The following STK3 variants were observed in gnomAD, a reference collection of about 807,000 sequenced individuals.
STK3 encodes the protein serine/threonine-protein kinase 3.
Under a neutral mutation model 58.0 loss-of-function variants are expected in STK3, and 41 were observed. The observed-to-expected ratio is 0.71, with a 90% CI of 0.55 to 0.92. The LOEUF is 0.92. Among genes scored for constraint, STK3 ranks in the 40% least tolerant of loss-of-function variants. The pLI, the probability that STK3 is intolerant of heterozygous loss-of-function variation, is 0.00. For synonymous variants in STK3, 170 were observed against 191.0 expected, an observed-to-expected ratio of 0.89 and a Z score of 0.91; for missense variants, 479 against 602.7, an observed-to-expected ratio of 0.79 and a Z score of 2.15.
At chr8:98,864,873 G>T (rs1358609265) in intron 3 of STK3, among the ~76,000 whole-genome samples, 1 of 152,122 alleles carries the variant, frequency 6.6e-6, no homozygotes, top group Non-Finnish European at 1.5e-5. Flanking sequence ...CATATTGGCT[G>T]CTTCCACTCC....
intron 6 of STK3, among the ~76,000 whole-genome samples, chr8:98,676,287 G>A (rs1265880965): frequency 3.9e-5 from 6 of 152,234 alleles, no homozygotes; most frequent in Non-Finnish European, 5.9e-5. Flanking sequence ...ATGAATAGTG[G>A]TGATGTTGCA....
chr8:98,521,291 T>C (rs548567954), intron 10 of STK3, among the ~76,000 whole-genome samples: 1 of 152,132 alleles, frequency 6.6e-6, no homozygotes, highest in East Asian at 1.9e-4. Flanking sequence ...CCTTTCCAAC[T>C]GTGAGAACAT....
At chr8:98,728,497 T>C (rs941121795) in intron 4 of STK3, among the ~76,000 whole-genome samples, 2 of 152,162 alleles carry the variant, frequency 1.3e-5, no homozygotes, top group Non-Finnish European at 2.9e-5. Context: ...TTACACCATA[T>C]GTAAATATAT....
At chr8:98,439,442 G>A (rs930265148) in intron 1 of STK3, among the ~76,000 whole-genome samples, 6 of 152,310 alleles carry the variant, frequency 3.9e-5, no homozygotes, top group Middle Eastern at 3.4e-3. Context: ...GAGATTGGAA[G>A]GGACAGCTTT....
chr8:98,406,217 C>T (rs1483112927), intron 3 of STK3, among the ~76,000 whole-genome samples: 1 of 151,514 alleles, frequency 6.6e-6, no homozygotes, highest in Non-Finnish European at 1.5e-5. Flanking sequence ...CTTATCTTCC[C>T]CCCAGGCATT....
intron 1 of STK3, among the ~76,000 whole-genome samples, chr8:98,825,199 TAC>T (rs1835168859): frequency 6.6e-6 from 1 of 152,204 alleles, no homozygotes; most frequent in Non-Finnish European, 1.5e-5. Context: ...CACAATGTTT[TAC>T]AGACTGTGTA....
chr8:98,832,463 A>G (rs1195875858), intron 3 of STK3, among the ~76,000 whole-genome samples: 5 of 152,164 alleles, frequency 3.3e-5, no homozygotes, highest in Non-Finnish European at 7.4e-5. Context: ...TAAATCAGCC[A>G]CAACCAATCC....
At chr8:98,377,977 C>T (rs1389249479) in intron 2 of STK3, among the ~76,000 whole-genome samples, 1 of 152,108 alleles carries the variant, frequency 6.6e-6, no homozygotes, top group Non-Finnish European at 1.5e-5. Flanking sequence ...GAGGCTCTGC[C>T]CCTACCTGCC....
intron 6 of STK3, among the ~76,000 whole-genome samples, chr8:98,677,127 C>A (rs1040763750): frequency 6.6e-6 from 1 of 152,158 alleles, no homozygotes; most frequent in African/African-American, 2.4e-5. Flanking sequence ...CTACTTTCCC[C>A]ATGGTTGATG....
At chr8:98,409,912 T>A (rs1259800234) in intron 3 of STK3, among the ~76,000 whole-genome samples, 4 of 152,204 alleles carry the variant, frequency 2.6e-5, no homozygotes, top group African/African-American at 4.8e-5. Context: ...GAGAGTGCCA[T>A]GTGCCCAGAA....
At chr8:98,377,325 C>T (rs569622642) in intron 2 of STK3, among the ~76,000 whole-genome samples, 64 of 152,102 alleles carry the variant, frequency 4.2e-4, no homozygotes, top group Middle Eastern at 6.8e-3. Flanking sequence ...TTCACTTCTT[C>T]GGCAGAATTT....
chr8:98,787,041 T>C (rs1832508313), intron 1 of STK3, among the ~76,000 whole-genome samples: 1 of 151,256 alleles, frequency 6.6e-6, no homozygotes, highest in South Asian at 2.1e-4. Flanking sequence ...TGGTGGTGCA[T>C]GCCTGTAGTC....
intron 10 of STK3, among the ~76,000 whole-genome samples, chr8:98,499,941 C>T (rs1441372215): frequency 1.3e-5 from 2 of 152,074 alleles, no homozygotes; most frequent in African/African-American, 2.4e-5. Flanking sequence ...GATGTAAATC[C>T]TTGGAGACAA....
intron 2 of STK3, among the ~76,000 whole-genome samples, chr8:98,435,569 G>A (rs563861579): frequency 3.9e-5 from 6 of 152,092 alleles, no homozygotes; most frequent in African/African-American, 1.4e-4. Context: ...AAGGGAGTGG[G>A]GTGGGGAGGA....
chr8:98,866,542 G>A (rs1837153116), intron 3 of STK3, among the ~76,000 whole-genome samples: 1 of 152,192 alleles, frequency 6.6e-6, no homozygotes, highest in Admixed American at 6.5e-5. Flanking sequence ...CATTGCAGTA[G>A]GAAGAATACA....
At position 98,428,933 on chromosome 8, in the gene STK3, G is replaced by A. The variant is rs1818288189; in HGVS notation, n.483+5194C>T. ...GGCACTCCACTGGCCTCCGCTCCCT[G>A]GGGGCCACTTTGAAATACAGCTACA... On this transcript the variant is annotated intron_variant and non_coding_transcript_variant, in intron 3 of 3. Coordinates refer to the STK3 transcript ENST00000517832. This position sits in a 1 kb window ranked among gnomAD's most constrained non-coding sequence, Gnocchi z 6.7. The A allele has an allele frequency of 1.2e-6, 2 of 1,614,002 alleles. No individual in the cohort carries two copies. Among genetic ancestry groups the A allele is most frequent in the African/African-American group, 1.3e-5 (1 of 74,900 alleles).
chr8:98,483,334 A>G (rs534632791), intron 10 of STK3, among the ~76,000 whole-genome samples: 8 of 152,368 alleles, frequency 5.3e-5, no homozygotes, highest in African/African-American at 1.7e-4. Flanking sequence ...GGATCTTTAA[A>G]TAGTTCATAC....
chr8:98,941,997 A>T (rs1211058872), intron 1 of STK3, among the ~76,000 whole-genome samples: 1 of 152,112 alleles, frequency 6.6e-6, no homozygotes, highest in Non-Finnish European at 1.5e-5. Context: ...AGACTCCGGG[A>T]CTTCCCTCTC....
Position 98,455,575 on chromosome 8 carries a change from C to T in STK3, c.*267G>A. ...TCAAGGTTTAGAGACCTTGAAAATC[C>T]ATTTCATAACAGTTTTATTACTGGT... is the stretch of plus-strand genomic sequence containing the variant. On this transcript the variant is annotated 3_prime_UTR_variant, in exon 11 of 11. Coordinates refer to ENST00000419617, the MANE Select transcript of STK3 (RefSeq NM_006281.4). The T allele has an allele frequency of 2.3e-6, 1 of 437,650 alleles. No homozygotes were observed. The highest frequency in any genetic ancestry group is 4.1e-6 in the Non-Finnish European group (1 of 244,204). The allele number at this position is 437,650 out of a possible 1,614,324, so 27.1% of individuals were successfully genotyped here.
Sources: gnomAD v4.1 joint callset for allele counts (sites outside exome capture counted in the v4.1 genomes callset) on GRCh38, gnomAD v4.1.1 for gene constraint, Gnocchi (gnomAD v3.1) non-coding constraint, MANE v1.5 for transcripts, NCBI Gene and HGNC (gene_info 2026-07-23, HGNC 2026-07-21) for gene names.